LOC128706665: variants seen among roughly 807,000 people sequenced by gnomAD.
chr20:10,430,033 A>G, the LOC128706665 span, among the ~76,000 whole-genome samples: 1 of 113,388 alleles, frequency 8.8e-6, no homozygotes, highest in African/African-American at 2.8e-5. Context: ...TTGCAAAACA[A>G]AAAACAAAAA....
chr20:10,417,207 C>T, the LOC128706665 span, among the ~76,000 whole-genome samples: 5 of 146,860 alleles, frequency 3.4e-5, no homozygotes, highest in East Asian at 1.0e-3. Flanking sequence ...GCCGACATCA[C>T]CCAACTGCAG....
the LOC128706665 span, among the ~76,000 whole-genome samples, chr20:10,428,106 T>C: frequency 1.3e-5 from 2 of 152,242 alleles, no homozygotes. Flanking sequence ...GTAGGCAGTC[T>C]CAAATATTAA....
At chr20:10,426,503 G>C in the LOC128706665 span, among the ~76,000 whole-genome samples, 1 of 152,118 alleles carries the variant, frequency 6.6e-6, no homozygotes, top group Non-Finnish European at 1.5e-5. Context: ...AGATTTAAGG[G>C]ATTCTCGTAC....
At chr20:10,425,790 A>AAG in the LOC128706665 span, among the ~76,000 whole-genome samples, 350 of 149,274 alleles carry the variant, frequency 2.3e-3, 1 homozygote, top group African/African-American at 8.1e-3. Flanking sequence ...GCAAAGCAAC[A>AAG]AGAGAAATGA....
the LOC128706665 span, among the ~76,000 whole-genome samples, chr20:10,424,629 C>T: frequency 1.3e-5 from 2 of 151,936 alleles, no homozygotes; most frequent in Non-Finnish European, 2.9e-5. Context: ...TGGTAGTTAG[C>T]GAGGTAATGT....
At chr20:10,428,181 T>C in the LOC128706665 span, among the ~76,000 whole-genome samples, 1 of 152,228 alleles carries the variant, frequency 6.6e-6, no homozygotes, top group Non-Finnish European at 1.5e-5. Flanking sequence ...TTTATCACAA[T>C]GGTTGTAGTG....
At chr20:10,418,475 T>A in the LOC128706665 span, among the ~76,000 whole-genome samples, 3 of 152,194 alleles carry the variant, frequency 2.0e-5, no homozygotes, top group Non-Finnish European at 2.9e-5. Context: ...ACTTCAACTA[T>A]TCGGAATTTG....
the LOC128706665 span, among the ~76,000 whole-genome samples, chr20:10,430,058 C>T: frequency 2.0e-5 from 3 of 152,076 alleles, no homozygotes; most frequent in African/African-American, 7.2e-5. Flanking sequence ...AAAACAAAAA[C>T]AAATCTGGTT....
At chr20:10,428,525 G>T in the LOC128706665 span, among the ~76,000 whole-genome samples, 2 of 152,144 alleles carry the variant, frequency 1.3e-5, no homozygotes, top group Non-Finnish European at 2.9e-5. Flanking sequence ...GTCCCCTTAT[G>T]TGCACCTTAG....
chr20:10,433,219 T>G, the LOC128706665 span, among the ~76,000 whole-genome samples: 3 of 152,236 alleles, frequency 2.0e-5, no homozygotes, highest in Admixed American at 6.5e-5. Context: ...TTGGCCTGGC[T>G]GGCCCCAAAC....
chr20:10,425,053 CA>C, the LOC128706665 span, among the ~76,000 whole-genome samples: 2,067 of 122,204 alleles, frequency 0.017, 66 homozygotes, highest in Admixed American at 0.094. Flanking sequence ...AACTCCGTCT[CA>C]AAAAAAAAAA....
chr20:10,421,427 A>G, the LOC128706665 span, among the ~76,000 whole-genome samples: 5 of 152,046 alleles, frequency 3.3e-5, no homozygotes, highest in African/African-American at 1.2e-4. Context: ...AAAAAAAAAA[A>G]AAAAAAAATT....
the LOC128706665 span, among the ~76,000 whole-genome samples, chr20:10,423,132 C>G: frequency 1.3e-5 from 2 of 151,986 alleles, no homozygotes; most frequent in South Asian, 2.1e-4. Flanking sequence ...GAAAAAAAAC[C>G]CTAGCTTATA....
chr20:10,425,362 C>T, the LOC128706665 span, among the ~76,000 whole-genome samples: 1 of 152,156 alleles, frequency 6.6e-6, no homozygotes, highest in African/African-American at 2.4e-5. Context: ...GCAAAATATG[C>T]TATGGCAATA....
At chr20:10,427,029 GAC>G in the LOC128706665 span, among the ~76,000 whole-genome samples, 10,784 of 130,412 alleles carry the variant, frequency 0.083, 495 homozygotes, top group East Asian at 0.21. Flanking sequence ...AGAAAACACT[GAC>G]ACACACACAC....
At chr20:10,426,023 C>T in the LOC128706665 span, among the ~76,000 whole-genome samples, 1 of 152,172 alleles carries the variant, frequency 6.6e-6, no homozygotes, top group Admixed American at 6.5e-5. Context: ...AGTTTAGAGG[C>T]AATCTTAATG....
the LOC128706665 span, among the ~76,000 whole-genome samples, chr20:10,431,258 G>A: frequency 3.5e-4 from 53 of 152,222 alleles, 1 homozygote; most frequent in South Asian, 8.7e-3. Context: ...CTTATAAGGT[G>A]AGGAAATACT....
At chr20:10,416,865 A>C in the LOC128706665 span, among the ~76,000 whole-genome samples, 1 of 152,224 alleles carries the variant, frequency 6.6e-6, no homozygotes, top group Non-Finnish European at 1.5e-5. Context: ...AGCCATGCTC[A>C]TTAATTTGTG....
the LOC128706665 span, among the ~76,000 whole-genome samples, chr20:10,433,434 C>T: frequency 6.6e-6 from 1 of 152,174 alleles, no homozygotes; most frequent in African/African-American, 2.4e-5. Context: ...TGGTCACTGC[C>T]GTATCTACTA....
Sources: allele counts gnomAD v4.1 joint callset (sites outside exome capture counted in the v4.1 genomes callset), GRCh38; gene constraint gnomAD v4.1.1; transcripts MANE v1.5.